LRRN1: variants seen among roughly 807,000 people sequenced by gnomAD.
LRRN1 encodes leucine-rich repeat neuronal protein 1.
In LRRN1, 14 loss-of-function variants were observed where a neutral mutation model predicts 45.8. That is an observed-to-expected ratio of 0.31 (90% CI 0.20 to 0.48). The LOEUF is 0.48. Ranked by LOEUF, LRRN1 falls within the 20% of genes least tolerant of loss-of-function variation. LRRN1 has a pLI of 0.99. For missense variants in LRRN1, 789 were observed against 874.2 expected (o/e 0.90, Z 1.23); for synonymous variants, 359 against 330.1 (o/e 1.09, Z -0.95).
intron 1 of LRRN1, among the ~76,000 whole-genome samples, chr3:3,810,964 C>A (rs1692859898): frequency 6.6e-6 from 1 of 152,146 alleles, no homozygotes; most frequent in African/African-American, 2.4e-5. Flanking sequence ...CTTGTTTAAT[C>A]CTCGTCATCA....
At chr3:3,809,592 G>T (rs529479655) in intron 1 of LRRN1, among the ~76,000 whole-genome samples, 1 of 152,222 alleles carries the variant, frequency 6.6e-6, no homozygotes, top group Non-Finnish European at 1.5e-5. Flanking sequence ...AGTCATTGCC[G>T]TAGTGTTACA....
intron 1 of LRRN1, among the ~76,000 whole-genome samples, chr3:3,838,961 T>C (rs1430671829): frequency 6.6e-6 from 1 of 151,666 alleles, no homozygotes; most frequent in African/African-American, 2.4e-5. Flanking sequence ...GTAGGTCATC[T>C]TTTTTTGCTG....
rs1693715644 is a variant in LRRN1, at chr3:3,844,575, C to T, written c.-67C>T. The T allele has an allele frequency of 1.7e-6, 2 of 1,209,228 alleles. No individual in the cohort carries two copies. The highest frequency in any genetic ancestry group is 4.7e-5 in the East Asian group (2 of 42,116). 74.9% of individuals were successfully genotyped at this position (1,209,228 alleles called of 1,614,324 possible). On this transcript the variant is annotated 5_prime_UTR_variant, in exon 2 of 2. Transcript: ENST00000319331. ...TTTCTGCTCGCTGTCCTACATATCA[C>T]AATATAGTGTTCACGTTTTGTTAAA...
In LRRN1 at chr3:3,845,010, G is replaced by C. The variant is rs762607244; in HGVS notation, c.369G>C (p.Thr123=). The change falls in exon 2 of 2, where the codon ACG becomes ACC. Residue 123 remains threonine, a synonymous_variant. Coordinates refer to ENST00000319331, the MANE Select transcript of LRRN1 (RefSeq NM_020873.7). The surrounding 1 kb of genome is among the most constrained non-coding windows in gnomAD (Gnocchi z 6.5). ...TGGCAAACCTAACCCAGCTCACAAC[G>C]CTGCATTTGGAGGAAAATCAGATTA... is the stretch of plus-strand genomic sequence containing the variant. The part of the protein sequence containing the change: ...VGLANLTQLT[T]LHLEENQITE... 3 of 1,614,058 alleles carry C rather than the reference G, an allele frequency of 1.9e-6. No homozygotes were observed. The highest frequency in any genetic ancestry group is 2.5e-6 in the Non-Finnish European group (3 of 1,180,014).
intron 1 of LRRN1, among the ~76,000 whole-genome samples, chr3:3,823,202 G>A (rs1206731758): frequency 6.6e-6 from 1 of 152,108 alleles, no homozygotes; most frequent in East Asian, 1.9e-4. Flanking sequence ...TTCAAAATTG[G>A]GGGTTTTTGG....
At chr3:3,824,955 G>T (rs1396673954) in intron 1 of LRRN1, among the ~76,000 whole-genome samples, 1 of 152,066 alleles carries the variant, frequency 6.6e-6, no homozygotes, top group African/African-American at 2.4e-5. Flanking sequence ...TTCACAGTTT[G>T]CGCATCTGTA....
intron 1 of LRRN1, among the ~76,000 whole-genome samples, chr3:3,810,804 C>T (rs1692855999): frequency 6.6e-6 from 1 of 152,256 alleles, no homozygotes; most frequent in Non-Finnish European, 1.5e-5. Context: ...AGGCCAGTTG[C>T]TATGAGTTGG....
At chr3:3,802,452 A>C (rs563237541) in intron 1 of LRRN1, among the ~76,000 whole-genome samples, 1 of 152,238 alleles carries the variant, frequency 6.6e-6, no homozygotes, top group South Asian at 2.1e-4. Flanking sequence ...TTAAAATACA[A>C]CACCCCCCCA....
chr3:3,841,738 C>T (rs987880768), intron 1 of LRRN1, among the ~76,000 whole-genome samples: 7 of 152,062 alleles, frequency 4.6e-5, no homozygotes, highest in African/African-American at 7.2e-5. Flanking sequence ...ATGTTGGTCT[C>T]GAACTCCTGA....
intron 1 of LRRN1, among the ~76,000 whole-genome samples, chr3:3,830,670 G>A (rs1693351991): frequency 6.6e-6 from 1 of 152,186 alleles, no homozygotes; most frequent in Admixed American, 6.5e-5. Context: ...ATGGGCATTT[G>A]AGCCACTTCC....
chr3:3,837,450 G>A (rs1693547041), intron 1 of LRRN1, among the ~76,000 whole-genome samples: 1 of 151,918 alleles, frequency 6.6e-6, no homozygotes, highest in Admixed American at 6.6e-5. Flanking sequence ...GCTCATTTGG[G>A]GTTATTCCTG....
At chr3:3,824,632 A>G (rs1825912) in intron 1 of LRRN1, among the ~76,000 whole-genome samples, 99,958 of 152,092 alleles carry the variant, frequency 0.66, 34,478 homozygotes, top group Non-Finnish European at 0.77. Flanking sequence ...GGAGGTTATT[A>G]AAGAAAACCA....
chr3:3,829,175 T>A (rs1429846312), intron 1 of LRRN1, among the ~76,000 whole-genome samples: 1 of 152,122 alleles, frequency 6.6e-6, no homozygotes, highest in Non-Finnish European at 1.5e-5. Flanking sequence ...CTTACTTCCA[T>A]CATAAAGTAG....
intron 1 of LRRN1, among the ~76,000 whole-genome samples, chr3:3,841,027 C>T (rs533655326): frequency 3.5e-4 from 54 of 152,240 alleles, no homozygotes; most frequent in Non-Finnish European, 6.3e-4. Flanking sequence ...AGGCTGGGTG[C>T]GGTGGCTCAC....
chr3:3,805,663 T>C (rs1256832167), intron 1 of LRRN1, among the ~76,000 whole-genome samples: 1 of 152,220 alleles, frequency 6.6e-6, no homozygotes, highest in Non-Finnish European at 1.5e-5. Flanking sequence ...TGCAAGGTGA[T>C]GTTTCTGGTC....
At chr3:3,824,010 C>T (rs959987189) in intron 1 of LRRN1, among the ~76,000 whole-genome samples, 2 of 152,132 alleles carry the variant, frequency 1.3e-5, no homozygotes, top group African/African-American at 2.4e-5. Flanking sequence ...GGACTCAGGT[C>T]CCCTAACTCT....
intron 1 of LRRN1, among the ~76,000 whole-genome samples, chr3:3,805,347 A>G (rs10780025): frequency 0.29 from 44,037 of 152,166 alleles, 8,431 homozygotes; most frequent in East Asian, 0.56. Flanking sequence ...ATTAACCTGC[A>G]TTGTTATTTC....
At chr3:3,836,017 G>GGC in intron 1 of LRRN1, among the ~76,000 whole-genome samples, 1 of 152,022 alleles carries the variant, frequency 6.6e-6, no homozygotes, top group Non-Finnish European at 1.5e-5. Context: ...CATCACCCTG[G>GGC]TAATTAGCAG....
chr3:3,809,864 A>G (rs900875624), intron 1 of LRRN1, among the ~76,000 whole-genome samples: 3 of 152,218 alleles, frequency 2.0e-5, no homozygotes, highest in Non-Finnish European at 1.5e-5. Context: ...CAATGAGTAG[A>G]AGTGGTATTT....
Sources: gnomAD v4.1 joint callset for allele counts (sites outside exome capture counted in the v4.1 genomes callset) on GRCh38, gnomAD v4.1.1 for gene constraint, Gnocchi (gnomAD v3.1) non-coding constraint, MANE v1.5 for transcripts, NCBI Gene and HGNC (gene_info 2026-07-23, HGNC 2026-07-21) for gene names.